The following TECTA variants were observed in gnomAD, a reference collection of about 807,000 sequenced individuals.
TECTA encodes the protein tectorin alpha, also known as alpha-tectorin.
TECTA carries 128 observed loss-of-function variants against 216.8 expected under a neutral mutation model. The observed-to-expected ratio is 0.59, with a 90% confidence interval of 0.51 to 0.68. The LOEUF is 0.68. Ranked by LOEUF, TECTA falls within the 30% of genes least tolerant of loss-of-function variation. The pLI is 0.00. For missense variants in TECTA, 2,551 were observed against 2,786.2 expected (o/e 0.92, Z 1.90); for synonymous variants, 1,089 against 1,117.1 (o/e 0.97, Z 0.50).
rs1435473204 is a variant in TECTA, at chr11:121,137,224, GCA to G, written c.2942-190_2942-189del. On this transcript the variant is annotated intron_variant, in intron 10 of 23. Transcript: ENST00000392793. ...CACACACGCACTCGCACACATGCAT[GCA>G]CACACATGCACTCGCACACACGCAC... Among the ~76,000 whole-genome samples, 21 of 151,668 alleles carry G rather than the reference GCA, an allele frequency of 1.4e-4. No homozygotes were observed. In the South Asian group the frequency reaches 2.1e-3, roughly 15 times the overall value.
At position 121,137,889 on chromosome 11, in the gene TECTA, C is replaced by T. The variant is rs1467377934; in HGVS notation, c.3410C>T (p.Ser1137Phe). 3.7e-6 allele frequency: 6 copies of T among 1,602,544 alleles called. No homozygotes were observed. The highest frequency in any genetic ancestry group is 5.1e-6 in the Non-Finnish European group (6 of 1,170,972). Residue 1137 changes from serine (S) to phenylalanine (F), a missense_variant, in exon 11 of 24, where the codon TCT (serine) becomes TTT (phenylalanine). This residue lies in a region of TECTA where 2,375 missense variants were observed against 2,563.9 expected (regional missense o/e 0.93). Coordinates refer to ENST00000392793, the MANE Select transcript of TECTA (RefSeq NM_005422.4). ...CTTGSRPSSD[S>F]FPKFVVTAKN... is the part of the protein sequence containing the mutation. ...ACAGGAAGCAGGCCAAGCTCAGACT[C>T]TTTCCCCAAGTTTGTTGTCACAGCC...
At chr11:121,173,251 T>C (rs1460301193) in intron 20 of TECTA, among the ~76,000 whole-genome samples, 1 of 150,888 alleles carries the variant, frequency 6.6e-6, no homozygotes, top group African/African-American at 2.4e-5. Context: ...GTTTTAGACA[T>C]GAAGTCCTTG....
chr11:121,139,784 G>A (rs1363257392), intron 11 of TECTA, among the ~76,000 whole-genome samples: 2 of 152,198 alleles, frequency 1.3e-5, no homozygotes, highest in Non-Finnish European at 2.9e-5. Context: ...CGATCTGAGA[G>A]GTTATATTGC....
rs142530891 is a variant in TECTA at position 121,167,256 on chromosome 11, C to A, written c.5586+476C>A. Among the ~76,000 whole-genome samples the A allele has an allele frequency of 1.2e-4, 19 of 152,278 alleles. No homozygotes were observed. In the East Asian group the frequency reaches 3.7e-3, roughly 29 times the overall value. ...GACCGGCCCAGGCAACATCGCAAGA[C>A]CCTGTCTCTATTTTTAAAAAATCTA... On this transcript the variant is annotated intron_variant, in intron 18 of 23. Transcript: ENST00000392793.
At chr11:121,150,791 G>A (rs527322032) in intron 12 of TECTA, among the ~76,000 whole-genome samples, 13 of 151,954 alleles carry the variant, frequency 8.6e-5, no homozygotes, top group African/African-American at 2.4e-4. Context: ...GACTAAAGGC[G>A]CATGCCACCA....
Position 121,140,105 on chromosome 11 carries a change from C to A in TECTA, c.3543+2083C>A, listed in dbSNP as rs116977890. Among the ~76,000 whole-genome samples the A allele has an allele frequency of 8.0e-3, 1,218 of 152,236 alleles. 10 individuals are homozygous for A. The highest frequency in any genetic ancestry group is 0.013 in the Non-Finnish European group (856 of 68,014). ...TTTTTCTTTTCTTTTAAAATGTAATCTCTTCATGGGTCCTGTCTCATCTAG... is the reference window on the plus strand; with the variant it reads ...TTTTTCTTTTCTTTTAAAATGTAATATCTTCATGGGTCCTGTCTCATCTAG... On this transcript the variant is annotated intron_variant, in intron 11 of 23. Coordinates refer to ENST00000392793, the MANE Select transcript of TECTA (RefSeq NM_005422.4).
In TECTA at chr11:121,125,318, C is replaced by T; in HGVS notation, c.1220C>T (p.Thr407Ile). The change falls in exon 8 of 24, where the codon ACT (threonine) becomes ATT (isoleucine). Residue 407 changes from threonine to isoleucine, a missense_variant. Thr to Ile is a moderately conservative substitution (Grantham distance 89). This residue lies in a region of TECTA where 2,375 missense variants were observed against 2,563.9 expected (regional missense o/e 0.93). Transcript: ENST00000392793. Reference protein sequence around the residue: ...YGRVKVNDLVTSLPVTLDLGT... With the variant: ...YGRVKVNDLVISLPVTLDLGT... The stretch of plus-strand genomic sequence containing the variant: ...TGTTGGCAGGTTAATGACCTAGTGA[C>T]TTCTTTGCCTGTCACCTTAGACTTG... 1.9e-6 allele frequency: 3 copies of T among 1,613,746 alleles called. No homozygotes were observed. Among genetic ancestry groups the T allele is most frequent in the Non-Finnish European group, 2.5e-6 (3 of 1,180,046 alleles).
Position 121,153,035 on chromosome 11 carries a change from C to G in TECTA, c.4260C>G (p.Ile1420Met), listed in dbSNP as rs200739678. 19 of 1,614,196 alleles carry G rather than the reference C, an allele frequency of 1.2e-5. No individual in the cohort carries two copies. The highest frequency in any genetic ancestry group is 1.6e-5 in the Non-Finnish European group (19 of 1,180,040). ...AGYVLNGKSC[I>M]LPHSCGCYSD... ...ACGTCCTCAACGGCAAGAGCTGCATCCTGCCCCACAGCTGCGGCTGCTACT... is the reference window on the plus strand; with the variant it reads ...ACGTCCTCAACGGCAAGAGCTGCATGCTGCCCCACAGCTGCGGCTGCTACT... Residue 1420 changes from isoleucine (I) to methionine (M), a missense_variant, in exon 13 of 24, where the codon ATC (isoleucine) becomes ATG (methionine). Ile to Met is a conservative substitution (Grantham distance 10). This residue lies in a region of TECTA where 2,375 missense variants were observed against 2,563.9 expected (regional missense o/e 0.93). Transcript: ENST00000392793.
chr11:121,116,772 A>G (rs1430486717), intron 6 of TECTA, among the ~76,000 whole-genome samples: 1 of 152,142 alleles, frequency 6.6e-6, no homozygotes, highest in African/African-American at 2.4e-5. Flanking sequence ...ATTCAAAGGC[A>G]TTTTCCTCTC....
intron 20 of TECTA, among the ~76,000 whole-genome samples, chr11:121,183,292 G>A (rs1232573357): frequency 6.6e-6 from 1 of 152,160 alleles, no homozygotes; most frequent in Non-Finnish European, 1.5e-5. Flanking sequence ...ATGGCACCAT[G>A]CTGCAGCTGC....
At chr11:121,181,481 T>A (rs926190700) in intron 20 of TECTA, among the ~76,000 whole-genome samples, 1 of 99,074 alleles carries the variant, frequency 1.0e-5, no homozygotes, top group Non-Finnish European at 2.1e-5. Flanking sequence ...TATGATTTTA[T>A]TTTTTGAAAT....
At chr11:121,107,438 T>C (rs763410326) in intron 3 of TECTA, among the ~76,000 whole-genome samples, 23 of 152,210 alleles carry the variant, frequency 1.5e-4, no homozygotes, top group African/African-American at 5.5e-4. Flanking sequence ...GACAATAGGC[T>C]CTTAATGTCT....
At chr11:121,179,956 T>C (rs1947208639) in intron 20 of TECTA, among the ~76,000 whole-genome samples, 1 of 150,628 alleles carries the variant, frequency 6.6e-6, no homozygotes, top group African/African-American at 2.4e-5. Flanking sequence ...TATTTGAGTT[T>C]TTTTTGTTTG....
intron 10 of TECTA, 117 bp from the exon 11 acceptor site, chr11:121,137,302 GCA>G (rs1240402739): frequency 1.1e-5 from 15 of 1,328,366 alleles, no homozygotes; most frequent in Non-Finnish European, 1.6e-5. Flanking sequence ...ATGCATGCAT[GCA>G]CACACGCACA....
At chr11:121,111,801 C>A (rs917562796) in intron 4 of TECTA, among the ~76,000 whole-genome samples, 2 of 152,250 alleles carry the variant, frequency 1.3e-5, no homozygotes, top group Admixed American at 6.5e-5. Flanking sequence ...CCACTGTCCT[C>A]TTCTGTTGAA....
At chr11:121,108,507 C>T (rs1946411421) in intron 3 of TECTA, among the ~76,000 whole-genome samples, 3 of 150,184 alleles carry the variant, frequency 2.0e-5, no homozygotes, top group South Asian at 4.3e-4. Flanking sequence ...ACACACTGCC[C>T]ACCCCAGTAC....
At chr11:121,119,784 C>A (rs1490387502) in intron 7 of TECTA, among the ~76,000 whole-genome samples, 1 of 152,242 alleles carries the variant, frequency 6.6e-6, no homozygotes, top group Non-Finnish European at 1.5e-5. Context: ...TCCACTCTTT[C>A]TGGCTCTGCC....
intron 20 of TECTA, among the ~76,000 whole-genome samples, chr11:121,174,548 A>C (rs1393547673): frequency 1.3e-5 from 2 of 152,122 alleles, no homozygotes; most frequent in Non-Finnish European, 2.9e-5. Context: ...AGCCCACTTG[A>C]TCATGGTGGA....
At chr11:121,149,940 C>G (rs566501327) in intron 12 of TECTA, among the ~76,000 whole-genome samples, 1 of 152,242 alleles carries the variant, frequency 6.6e-6, no homozygotes, top group Non-Finnish European at 1.5e-5. Context: ...TTTTGGGTGG[C>G]ATGGAAGAAT....
Sources: gnomAD v4.1 joint callset for allele counts (sites outside exome capture counted in the v4.1 genomes callset) on GRCh38, gnomAD v4.1.1 for gene constraint, gnomAD v4.1.1 regional missense constraint, MANE v1.5 for transcripts, NCBI Gene and HGNC (gene_info 2026-07-23, HGNC 2026-07-21) for gene names.